Variants in ARFGEF1 observed in about 807,000 individuals in gnomAD.
ARFGEF1 encodes the protein ARF guanine nucleotide exchange factor 1.
A neutral mutation model predicts 231.0 loss-of-function variants in ARFGEF1; 42 were observed. The ratio of observed to expected loss-of-function variants is 0.18; its 90% confidence interval spans 0.14 to 0.24. The LOEUF is 0.24. Among genes scored for constraint, ARFGEF1 ranks in the 10% least tolerant of loss-of-function variants. The pLI, the probability that ARFGEF1 is intolerant of heterozygous loss-of-function variation, is 1.00. For missense variants in ARFGEF1, 1,345 were observed against 2,192.0 expected, an observed-to-expected ratio of 0.61 and a Z score of 7.72; for synonymous variants, 710 against 732.3, an observed-to-expected ratio of 0.97 and a Z score of 0.49.
At chr8:67,287,209 T>C (rs1457769837) in intron 7 of ARFGEF1, among the ~76,000 whole-genome samples, 1 of 152,212 alleles carries the variant, frequency 6.6e-6, no homozygotes, top group Non-Finnish European at 1.5e-5. Flanking sequence ...GAGTGTAATT[T>C]ATGCTGAACA....
chr8:67,343,137 C>A, intron 1 of ARFGEF1, 27 bp downstream of exon 1: 1 of 1,575,500 alleles, frequency 6.3e-7, no homozygotes, highest in East Asian at 2.3e-5. Flanking sequence ...ACAAGCACCC[C>A]ATCCCCCGGG....
chr8:67,218,741 A>C (rs1839043846), intron 30 of ARFGEF1, among the ~76,000 whole-genome samples: 1 of 152,180 alleles, frequency 6.6e-6, no homozygotes, highest in African/African-American at 2.4e-5. Context: ...CATTTCCTAA[A>C]ATGTATATTG....
At chr8:67,211,152 TG>T (rs1258801318) in intron 34 of ARFGEF1, among the ~76,000 whole-genome samples, 1 of 151,314 alleles carries the variant, frequency 6.6e-6, no homozygotes, top group Non-Finnish European at 1.5e-5. Context: ...AAGACCAGCC[TG>T]GCCAATATGG....
At chr8:67,313,438 G>A (rs1362389432) in intron 1 of ARFGEF1, among the ~76,000 whole-genome samples, 3 of 152,188 alleles carry the variant, frequency 2.0e-5, no homozygotes, top group Admixed American at 2.0e-4. Flanking sequence ...GTCTAGGGCT[G>A]AAGGCTGTTG....
chr8:67,257,028 T>A (rs540651901), intron 17 of ARFGEF1, among the ~76,000 whole-genome samples: 27 of 152,196 alleles, frequency 1.8e-4, no homozygotes, highest in Admixed American at 1.6e-3. Flanking sequence ...GGAAGGCAGG[T>A]AATGGGTACA....
chr8:67,198,804 T>G lies in ARFGEF1; in HGVS notation c.*130A>C. On this transcript the variant is annotated 3_prime_UTR_variant, in exon 39 of 39. Coordinates refer to ENST00000262215, the MANE Select transcript of ARFGEF1 (RefSeq NM_006421.5). ...GAGTGTTGCAAGTTTGAGTAAGACT[T>G]CTAAGCATCTTTACCAGTAACTCAG... The G allele has an allele frequency of 6.8e-7, 1 of 1,462,382 alleles. No individual in the cohort carries two copies. The highest frequency in any genetic ancestry group is 2.5e-5 in the East Asian group (1 of 40,276). The allele number at this position is 1,462,382 out of a possible 1,614,324, so 90.6% of individuals were successfully genotyped here.
At chr8:67,292,433 CTA>C (rs1392592653) in intron 5 of ARFGEF1, among the ~76,000 whole-genome samples, 1 of 151,952 alleles carries the variant, frequency 6.6e-6, no homozygotes, top group Non-Finnish European at 1.5e-5. Flanking sequence ...TACAGAAAGT[CTA>C]TAAAAATACA....
At chr8:67,207,922 G>C (rs1216632468) in intron 34 of ARFGEF1, among the ~76,000 whole-genome samples, 1 of 152,198 alleles carries the variant, frequency 6.6e-6, no homozygotes, top group Non-Finnish European at 1.5e-5. Flanking sequence ...ACAGCTCACA[G>C]TGGCAGGAAA....
At chr8:67,282,907 A>G (rs561519125) in intron 7 of ARFGEF1, among the ~76,000 whole-genome samples, 2 of 152,136 alleles carry the variant, frequency 1.3e-5, no homozygotes, top group Admixed American at 1.3e-4. Context: ...CAAACAAAAC[A>G]AAGACTGAGT....
intron 23 of ARFGEF1, among the ~76,000 whole-genome samples, chr8:67,231,042 C>T (rs1292398221): frequency 6.6e-6 from 1 of 151,908 alleles, no homozygotes; most frequent in African/African-American, 2.4e-5. Context: ...ACAGGTTATG[C>T]AGAAAAATAG....
downstream of ARFGEF1, among the ~76,000 whole-genome samples, chr8:67,197,277 T>C (rs370174381): frequency 2.6e-4 from 39 of 151,846 alleles, no homozygotes; most frequent in East Asian, 4.8e-3. Flanking sequence ...TGAGATCCCA[T>C]CTCTAAAAAA....
intron 19 of ARFGEF1, among the ~76,000 whole-genome samples, chr8:67,250,084 G>C (rs1383696426): frequency 6.6e-6 from 1 of 152,202 alleles, no homozygotes; most frequent in Admixed American, 6.5e-5. Flanking sequence ...AAACAGAAGA[G>C]ATCTAGCGAT....
chr8:67,183,871 T>C (rs936198088), intron 5 of ARFGEF1, among the ~76,000 whole-genome samples: 44 of 144,300 alleles, frequency 3.0e-4, no homozygotes, highest in Middle Eastern at 3.5e-3. Flanking sequence ...TTTTTTTTTT[T>C]AGACAAAGTC....
At chr8:67,233,080 G>T in intron 22 of ARFGEF1, 135 bp from the exon 23 acceptor site, 1 of 714,506 alleles carries the variant, frequency 1.4e-6, no homozygotes. Flanking sequence ...CAATTCTTTT[G>T]ATATCAGTGA....
chr8:67,197,994 C>G lies in ARFGEF1; in HGVS notation c.*940G>C. ...CATAGAGTAAAATCTACATCAAGCC[C>G]CACCACCCAAAAGAAAAGAAAATGA... On this transcript the variant is annotated 3_prime_UTR_variant, in exon 39 of 39. Transcript: ENST00000262215. 3 of 985,786 alleles carry G rather than the reference C, an allele frequency of 3.0e-6. No individual in the cohort carries two copies. The highest frequency in any genetic ancestry group is 3.6e-6 in the Non-Finnish European group (3 of 829,928). The allele number at this position is 985,786 out of a possible 1,614,324, so 61.1% of individuals were successfully genotyped here.
intron 1 of ARFGEF1, among the ~76,000 whole-genome samples, chr8:67,330,974 TTAAG>T (rs1157257585): frequency 1.3e-5 from 2 of 152,112 alleles, no homozygotes; most frequent in Admixed American, 6.6e-5. Flanking sequence ...GAAAATCTGA[TTAAG>T]TAACATGTTA....
chr8:67,216,006 A>G (rs1344784692), intron 33 of ARFGEF1, among the ~76,000 whole-genome samples: 2 of 152,196 alleles, frequency 1.3e-5, no homozygotes, highest in African/African-American at 4.8e-5. Context: ...ACAACCCTTA[A>G]AAAATCATTT....
At chr8:67,328,464 ATCTC>A (rs35603166) in intron 1 of ARFGEF1, among the ~76,000 whole-genome samples, 42,929 of 151,932 alleles carry the variant, frequency 0.28, 6,141 homozygotes, top group East Asian at 0.38. Flanking sequence ...TTTCTCCAGC[ATCTC>A]TCTGATTATT....
At chr8:67,331,866 T>C (rs547976358) in intron 1 of ARFGEF1, among the ~76,000 whole-genome samples, 2 of 152,222 alleles carry the variant, frequency 1.3e-5, no homozygotes, top group Non-Finnish European at 2.9e-5. Flanking sequence ...AGGTATACTA[T>C]GTATGGCAAC....
Sources: allele counts gnomAD v4.1 joint callset (sites outside exome capture counted in the v4.1 genomes callset), GRCh38; gene constraint gnomAD v4.1.1; transcripts MANE v1.5; gene names NCBI Gene and HGNC (gene_info 2026-07-23, HGNC 2026-07-21).